The following ZSWIM5 variants were observed in gnomAD, a reference collection of about 807,000 sequenced individuals.
The protein encoded by ZSWIM5 is zinc finger SWIM-type containing 5, also known as zinc finger SWIM domain-containing protein 5.
Under a neutral mutation model 119.6 loss-of-function variants are expected in ZSWIM5, and 55 were observed. That is an observed-to-expected ratio of 0.46 (90% CI 0.37 to 0.58). ZSWIM5 has a LOEUF of 0.58. Among genes scored for constraint, ZSWIM5 ranks in the 20% least tolerant of loss-of-function variants. ZSWIM5 has a pLI of 0.00. For missense variants in ZSWIM5, 1,193 were observed against 1,512.8 expected, an observed-to-expected ratio of 0.79 and a Z score of 3.51; for synonymous variants, 537 against 606.9, an observed-to-expected ratio of 0.88 and a Z score of 1.69.
In ZSWIM5 at chr1:45,018,707, G is replaced by C; in HGVS notation, c.3305C>G (p.Ser1102Cys). ...CTGGCGCAATGGAGCTTTGTCAGTG[G>C]ACATGAGCTTTCCAGAGCTTCGGCG... ...PGRRSSGKLM[S>C]TDKAPLRQLL... The change falls in exon 14 of 14, where the codon TCC (serine) becomes TGC (cysteine). Residue 1102 changes from serine to cysteine, a missense_variant. Physicochemically the swap from Ser to Cys is moderately radical, Grantham distance 112. Transcript: ENST00000359600. The surrounding 1 kb of genome is among the most constrained non-coding windows in gnomAD (Gnocchi z 6.7). 6.2e-7 allele frequency: 1 copy of C among 1,614,266 alleles called. No homozygotes were observed. The highest frequency in any genetic ancestry group is 8.5e-7 in the Non-Finnish European group (1 of 1,180,052).
intron 1 of ZSWIM5, among the ~76,000 whole-genome samples, chr1:45,171,853 C>T (rs927078562): frequency 1.3e-5 from 2 of 151,920 alleles, no homozygotes; most frequent in Non-Finnish European, 2.9e-5. Flanking sequence ...ACCAACTAAC[C>T]AGAAGTTATT....
intron 11 of ZSWIM5, among the ~76,000 whole-genome samples, chr1:45,032,135 C>CT (rs927000255): frequency 5.3e-5 from 8 of 151,852 alleles, no homozygotes; most frequent in Admixed American, 3.3e-4. Context: ...GTTCATCTCT[C>CT]TTTTTTTTAA....
intron 1 of ZSWIM5, among the ~76,000 whole-genome samples, chr1:45,089,698 G>A (rs1412823034): frequency 6.6e-6 from 1 of 152,100 alleles, no homozygotes; most frequent in African/African-American, 2.4e-5. Flanking sequence ...CATGCTTAGT[G>A]CGGTGGCTCA....
At chr1:45,145,799 G>T (rs1440043898) in intron 1 of ZSWIM5, among the ~76,000 whole-genome samples, 1 of 152,072 alleles carries the variant, frequency 6.6e-6, no homozygotes, top group Non-Finnish European at 1.5e-5. Context: ...CACTTTTATT[G>T]TGTGATATTT....
chr1:45,131,481 T>C (rs1389242176), intron 1 of ZSWIM5, among the ~76,000 whole-genome samples: 2 of 152,122 alleles, frequency 1.3e-5, no homozygotes, highest in South Asian at 4.1e-4. Flanking sequence ...TCTAGCACTT[T>C]GGGAGGCTGA....
Position 45,060,197 on chromosome 1 carries a change from G to C in ZSWIM5, c.1003C>G (p.His335Asp). The C allele has an allele frequency of 6.2e-7, 1 of 1,614,118 alleles. No individual in the cohort carries two copies. Among genetic ancestry groups the C allele is most frequent in the Non-Finnish European group, 8.5e-7 (1 of 1,180,028 alleles). The change falls in exon 3 of 14, where the codon CAT (histidine) becomes GAT (aspartate). Residue 335 changes from histidine to aspartate, a missense_variant. Physicochemically the swap from His to Asp is moderately conservative, Grantham distance 81. Coordinates refer to ENST00000359600, the MANE Select transcript of ZSWIM5 (RefSeq NM_020883.2). Reference protein sequence around the residue: ...GASIDDENCWHLDEEQVKEQV... With the variant: ...GASIDDENCWDLDEEQVKEQV... Reference sequence around the variant, plus strand: ...TCTTTCACCTGTTCTTCATCCAAATGCCAACAGTTCTCATCGTCAATGCTG... The same window carrying C: ...TCTTTCACCTGTTCTTCATCCAAATCCCAACAGTTCTCATCGTCAATGCTG...
chr1:45,084,342 T>C (rs1645312218), intron 2 of ZSWIM5, among the ~76,000 whole-genome samples: 1 of 152,166 alleles, frequency 6.6e-6, no homozygotes, highest in Non-Finnish European at 1.5e-5. Flanking sequence ...ACAAATTCAA[T>C]ATGAGATTTG....
chr1:45,110,256 G>A (rs1251044522), intron 1 of ZSWIM5, among the ~76,000 whole-genome samples: 1 of 152,190 alleles, frequency 6.6e-6, no homozygotes, highest in Non-Finnish European at 1.5e-5. Flanking sequence ...CAGAATTAAA[G>A]CAGACTATAG....
chr1:45,118,392 C>A (rs1424311387), intron 1 of ZSWIM5, among the ~76,000 whole-genome samples: 1 of 152,130 alleles, frequency 6.6e-6, no homozygotes, highest in Non-Finnish European at 1.5e-5. Flanking sequence ...TTAATTTAAT[C>A]ACTTATTTTG....
intron 1 of ZSWIM5, among the ~76,000 whole-genome samples, chr1:45,151,511 TA>T (rs1346395151): frequency 2.0e-5 from 3 of 152,008 alleles, no homozygotes; most frequent in African/African-American, 7.2e-5. Flanking sequence ...TGAAGGATTA[TA>T]AGGAAAGAGA....
chr1:45,160,570 C>T (rs544565875), intron 1 of ZSWIM5, among the ~76,000 whole-genome samples: 2 of 152,138 alleles, frequency 1.3e-5, no homozygotes, highest in African/African-American at 4.8e-5. Context: ...AATACGATGA[C>T]CTCCAGCTGC....
intron 5 of ZSWIM5, among the ~76,000 whole-genome samples, chr1:45,044,742 A>T (rs1312837489): frequency 1.0e-4 from 1 of 9,532 alleles, no homozygotes; most frequent in African/African-American, 2.5e-4. Flanking sequence ...AAAAAAAAAA[A>T]AAAAATATAT....
rs573596867 is a variant in ZSWIM5 at position 45,056,247 on chromosome 1, G to A, written c.1252+2362C>T. ...GGAGAAGAGAAATGGGTTAATAGTTGGTGAGGACAGTTGGAATATCAAAGG... is the reference window on the plus strand; with the variant it reads ...GGAGAAGAGAAATGGGTTAATAGTTAGTGAGGACAGTTGGAATATCAAAGG... On this transcript the variant is annotated intron_variant, in intron 4 of 13. Coordinates refer to ENST00000359600, the MANE Select transcript of ZSWIM5 (RefSeq NM_020883.2). 5.9e-5 allele frequency among the ~76,000 whole-genome samples: 9 copies of A among 152,134 alleles called. No individual in the cohort carries two copies. The East Asian group carries it at 1.7e-3, about 29-fold the overall frequency.
intron 1 of ZSWIM5, among the ~76,000 whole-genome samples, chr1:45,108,225 T>G (rs1645493727): frequency 6.6e-6 from 1 of 152,206 alleles, no homozygotes; most frequent in African/African-American, 2.4e-5. Context: ...AAAATGGTAG[T>G]TAGAGGCTAA....
At chr1:45,058,041 AT>A (rs1439236233) in intron 4 of ZSWIM5, among the ~76,000 whole-genome samples, 2 of 152,202 alleles carry the variant, frequency 1.3e-5, no homozygotes, top group African/African-American at 4.8e-5. Context: ...GCCCAAGTTC[AT>A]TTTTGATTTC....
rs371018401 is a variant in ZSWIM5 at position 45,197,816 on chromosome 1, A to G, written c.595+7940T>C. ...AGACATTAGTTTGAAAAGAGCCCCT[A>G]TCAGAGAAACATGAATACTGCTAAA... On this transcript the variant is annotated intron_variant, in intron 1 of 13. Coordinates refer to ENST00000359600, the MANE Select transcript of ZSWIM5 (RefSeq NM_020883.2). Among the ~76,000 whole-genome samples, 21 of 152,398 alleles carry G rather than the reference A, an allele frequency of 1.4e-4. No homozygotes were observed. In the East Asian group the frequency reaches 3.1e-3, roughly 22 times the overall value.
chr1:45,121,039 G>C (rs1433258651), intron 1 of ZSWIM5, among the ~76,000 whole-genome samples: 1 of 151,392 alleles, frequency 6.6e-6, no homozygotes, highest in East Asian at 1.9e-4. Context: ...AAGCTCCACC[G>C]CCCGGGTTCA....
intron 2 of ZSWIM5, among the ~76,000 whole-genome samples, chr1:45,073,677 A>T (rs1397471337): frequency 6.6e-6 from 1 of 151,966 alleles, no homozygotes; most frequent in African/African-American, 2.4e-5. Flanking sequence ...ATCATCTGCA[A>T]ACGAGGATAA....
At chr1:45,061,265 C>G (rs1358512494) in intron 2 of ZSWIM5, among the ~76,000 whole-genome samples, 2 of 152,156 alleles carry the variant, frequency 1.3e-5, no homozygotes, top group African/African-American at 4.8e-5. Context: ...TCATCTTTCA[C>G]TCTCTTATAG....
Sources: allele counts gnomAD v4.1 joint callset (sites outside exome capture counted in the v4.1 genomes callset), GRCh38; gene constraint gnomAD v4.1.1; non-coding constraint Gnocchi (gnomAD v3.1); transcripts MANE v1.5; gene names NCBI Gene and HGNC (gene_info 2026-07-23, HGNC 2026-07-21).